UGT2B10: variants seen among roughly 807,000 people sequenced by gnomAD.
UGT2B10 encodes the protein UDP-glucuronosyltransferase 2B10.
Under a neutral mutation model 43.7 loss-of-function variants are expected in UGT2B10, and 51 were observed. That is an observed-to-expected ratio of 1.17 (90% CI 0.93 to 1.47). The LOEUF is 1.47. Among genes scored for constraint, UGT2B10 ranks in the 40% most tolerant of loss-of-function variants. The probability of loss-of-function intolerance (pLI) is 0.00; values close to 1 mark genes in which losing one functional copy is unlikely to be tolerated. For synonymous variants in UGT2B10, 225 were observed against 209.0 expected (o/e 1.08, Z -0.66); for missense variants, 696 against 617.7 (o/e 1.13, Z -1.34).
chr4:68,824,941 TTG>T (rs958388261), intron 3 of UGT2B10, among the ~76,000 whole-genome samples: 2 of 152,138 alleles, frequency 1.3e-5, no homozygotes, highest in African/African-American at 4.8e-5. Flanking sequence ...TACTCTGAAT[TTG>T]TGTCAAAAAT....
intron 3 of UGT2B10, among the ~76,000 whole-genome samples, chr4:68,823,869 A>C (rs1330865591): frequency 1.3e-5 from 2 of 152,116 alleles, no homozygotes; most frequent in Non-Finnish European, 2.9e-5. Context: ...ACCAGGAATA[A>C]ATTTATTTAA....
At position 68,823,218 on chromosome 4, in the gene UGT2B10, A is replaced by C. The variant is rs140207216; in HGVS notation, c.999+816A>C. On this transcript the variant is annotated intron_variant, in intron 3 of 5. Coordinates refer to ENST00000265403, the MANE Select transcript of UGT2B10 (RefSeq NM_001075.6). Reference sequence around the variant, plus strand: ...ATTCCAGTCCTGTGATTAAAAGTGTAAACTATAGGATGGGCATGGTGGTTC... The same window carrying C: ...ATTCCAGTCCTGTGATTAAAAGTGTCAACTATAGGATGGGCATGGTGGTTC... 1.1e-3 allele frequency among the ~76,000 whole-genome samples: 161 copies of C among 152,218 alleles called. No homozygotes were observed. In the East Asian group the frequency reaches 0.012, roughly 12 times the overall value.
At chr4:68,820,651 A>T (rs1215764117) in intron 2 of UGT2B10, among the ~76,000 whole-genome samples, 1 of 151,996 alleles carries the variant, frequency 6.6e-6, no homozygotes, top group Non-Finnish European at 1.5e-5. Flanking sequence ...ACGATGGCAA[A>T]TTTTTGCAGG....
intron 3 of UGT2B10, among the ~76,000 whole-genome samples, chr4:68,824,449 G>A (rs1056010554): frequency 3.9e-5 from 6 of 152,148 alleles, no homozygotes; most frequent in Non-Finnish European, 7.4e-5. Context: ...ATAGGAAGGA[G>A]ACAAACAGAA....
chr4:68,826,820 G>A (rs756677505), intron 4 of UGT2B10, among the ~76,000 whole-genome samples: 11 of 151,940 alleles, frequency 7.2e-5, no homozygotes, highest in Non-Finnish European at 1.5e-4. Flanking sequence ...CTCTCCTGCA[G>A]GGTTATTTCA....
intron 5 of UGT2B10, among the ~76,000 whole-genome samples, chr4:68,827,887 A>T (rs1737881189): frequency 6.6e-6 from 1 of 151,870 alleles, no homozygotes; most frequent in African/African-American, 2.4e-5. Context: ...AAATGTTTTA[A>T]TTAAATATCT....
intron 3 of UGT2B10, among the ~76,000 whole-genome samples, chr4:68,825,241 A>G (rs1311209207): frequency 5.4e-4 from 7 of 12,880 alleles, no homozygotes; most frequent in African/African-American, 8.0e-4. Context: ...GTCATTACTA[A>G]ATTGTTACTT....
chr4:68,816,969 C>G (rs533893410), intron 1 of UGT2B10, among the ~76,000 whole-genome samples: 1 of 151,858 alleles, frequency 6.6e-6, no homozygotes, highest in East Asian at 1.9e-4. Context: ...AAATCATAAA[C>G]CTATATATTA....
At chr4:68,822,119 A>G (rs1737531094) in intron 2 of UGT2B10, among the ~76,000 whole-genome samples, 152 bp from the exon 3 acceptor site, 1 of 152,176 alleles carries the variant, frequency 6.6e-6, no homozygotes, top group Non-Finnish European at 1.5e-5. Context: ...TTGCAAAGAA[A>G]CAGTGATTGA....
chr4:68,827,614 T>G (rs1401270016), intron 5 of UGT2B10, 66 bp downstream of exon 5: 3 of 1,593,270 alleles, frequency 1.9e-6, no homozygotes, highest in Non-Finnish European at 2.6e-6. Context: ...GTAGTGAGCA[T>G]GAGTTTCATC....
At position 68,820,756 on chromosome 4, in the gene UGT2B10, T is replaced by C. The variant is rs181267979; in HGVS notation, c.868-1515T>C. On this transcript the variant is annotated intron_variant, in intron 2 of 5. Transcript: ENST00000265403. ...GTAGGGCAAAATCCATAATAAAAAATACATAATTTCTATAAATAATATCTC... is the reference window on the plus strand; with the variant it reads ...GTAGGGCAAAATCCATAATAAAAAACACATAATTTCTATAAATAATATCTC... 6.8e-3 allele frequency among the ~76,000 whole-genome samples: 1,042 copies of C among 152,156 alleles called. 7 individuals are homozygous for C. Among genetic ancestry groups the C allele is most frequent in the Non-Finnish European group, 0.012 (782 of 67,976 alleles).
intron 5 of UGT2B10, among the ~76,000 whole-genome samples, chr4:68,828,966 A>C (rs1737938812): frequency 6.6e-6 from 1 of 152,024 alleles, no homozygotes; most frequent in Admixed American, 6.6e-5. Context: ...TAAAGTCAAG[A>C]AGTAAATCAT....
intron 3 of UGT2B10, among the ~76,000 whole-genome samples, chr4:68,826,179 A>T (rs1386126663): frequency 1.3e-5 from 2 of 152,060 alleles, no homozygotes; most frequent in African/African-American, 4.8e-5. Flanking sequence ...TGAACTTTTC[A>T]TTGATAATCT....
chr4:68,830,561 C>T, intron 5 of UGT2B10, 39 bp from the exon 6 acceptor site: 1 of 1,569,592 alleles, frequency 6.4e-7, no homozygotes, highest in Non-Finnish European at 8.6e-7. Context: ...GGCAAATTAA[C>T]TTACTTTCAG....
In UGT2B10 at chr4:68,816,045, T is replaced by G; in HGVS notation, c.26T>G (p.Leu9Arg). The change falls in exon 1 of 6, where the codon CTG (leucine) becomes CGG (arginine). Residue 9 changes from leucine (L) to arginine (R), a missense_variant. Transcript: ENST00000265403. Reference sequence around the variant, plus strand: ...ATGGCTCTGAAATGGACTACAGTTCTGCTGATACAACTCAGTTTTTACTTT... The same window carrying G: ...ATGGCTCTGAAATGGACTACAGTTCGGCTGATACAACTCAGTTTTTACTTT... MALKWTTV[L>R]LIQLSFYFSS... is the part of the protein sequence containing the mutation. 1 of 1,612,924 alleles carries G rather than the reference T, an allele frequency of 6.2e-7. No homozygotes were observed. Among genetic ancestry groups the G allele is most frequent in the African/African-American group, 1.3e-5 (1 of 74,988 alleles).
At chr4:68,823,311 C>T (rs1403982575) in intron 3 of UGT2B10, among the ~76,000 whole-genome samples, 1 of 151,864 alleles carries the variant, frequency 6.6e-6, no homozygotes, top group Non-Finnish European at 1.5e-5. Context: ...ATCGAGATCA[C>T]CCTGAACGAT....
intron 5 of UGT2B10, among the ~76,000 whole-genome samples, chr4:68,830,120 T>G (rs1738014594): frequency 6.6e-6 from 1 of 152,076 alleles, no homozygotes; most frequent in Non-Finnish European, 1.5e-5. Flanking sequence ...AAATGGCTCA[T>G]GATGTTGAGC....
At chr4:68,819,786 C>T (rs757261314) in intron 2 of UGT2B10, among the ~76,000 whole-genome samples, 2 of 151,880 alleles carry the variant, frequency 1.3e-5, no homozygotes, top group Admixed American at 6.6e-5. Flanking sequence ...AAAAAAATTC[C>T]GTCAGCATAT....
Position 68,818,045 on chromosome 4 carries a change from A to T in UGT2B10, c.735A>T (p.Leu245Phe). Residue 245 changes from leucine to phenylalanine, a missense_variant, in exon 2 of 6, where the codon TTA becomes TTT. Transcript: ENST00000265403. ...YSEVLGRPTT[L>F]SETMRKADIW... Reference sequence around the variant, plus strand: ...TCCTATCAGGAAGACCCACTACATTATCTGAGACAATGAGGAAAGCTGACA... The same window carrying T: ...TCCTATCAGGAAGACCCACTACATTTTCTGAGACAATGAGGAAAGCTGACA... 1.2e-6 allele frequency: 2 copies of T among 1,610,754 alleles called. No individual in the cohort carries two copies. Among genetic ancestry groups the T allele is most frequent in the Non-Finnish European group, 1.7e-6 (2 of 1,178,222 alleles).
Sources: allele counts gnomAD v4.1 joint callset (sites outside exome capture counted in the v4.1 genomes callset), GRCh38; gene constraint gnomAD v4.1.1; transcripts MANE v1.5; gene names NCBI Gene and HGNC (gene_info 2026-07-23, HGNC 2026-07-21).